BMAL2: variants seen among roughly 807,000 people sequenced by gnomAD.
The protein encoded by BMAL2 is basic helix-loop-helix ARNT like 2.
chr12:27,379,238 A>T, the BMAL2 span, among the ~76,000 whole-genome samples: 2 of 152,214 alleles, frequency 1.3e-5, no homozygotes, highest in Non-Finnish European at 2.9e-5. Context: ...GGTACATCGC[A>T]GAGAATGCAT....
At chr12:27,380,173 T>G in the BMAL2 span, 1 of 1,464,006 alleles carries the variant, frequency 6.8e-7, no homozygotes, top group Non-Finnish European at 9.4e-7. Flanking sequence ...CAGCATCTGC[T>G]CCAGTGAGCA....
chr12:27,419,580 A>C, the BMAL2 span, among the ~76,000 whole-genome samples: 1 of 152,200 alleles, frequency 6.6e-6, no homozygotes, highest in African/African-American at 2.4e-5. Flanking sequence ...TTAAGTTTCC[A>C]ACACATGAAT....
chr12:27,416,031 G>T, the BMAL2 span: 1 of 961,202 alleles, frequency 1.0e-6, no homozygotes, highest in South Asian at 1.7e-5. Flanking sequence ...TTTAAGAAAA[G>T]AAGCCATTCT....
chr12:27,404,964 C>T, the BMAL2 span, among the ~76,000 whole-genome samples: 7 of 152,202 alleles, frequency 4.6e-5, no homozygotes, highest in Non-Finnish European at 8.8e-5. Flanking sequence ...CCATGCCTGG[C>T]TCGGAGGGTC....
the BMAL2 span, among the ~76,000 whole-genome samples, chr12:27,367,922 G>T: frequency 1.4e-4 from 22 of 151,852 alleles, no homozygotes; most frequent in African/African-American, 4.6e-4. Flanking sequence ...TCAGCTCACT[G>T]CAACCTCTGC....
the BMAL2 span, chr12:27,389,287 G>C: frequency 6.3e-7 from 1 of 1,585,884 alleles, no homozygotes; most frequent in South Asian, 1.1e-5. Context: ...AAAGCTAATA[G>C]ATGCCAAAAG....
the BMAL2 span, among the ~76,000 whole-genome samples, chr12:27,418,722 G>A: frequency 6.6e-6 from 1 of 152,072 alleles, no homozygotes; most frequent in African/African-American, 2.4e-5. Context: ...GCTCATTCCT[G>A]TAATCCCAGC....
At chr12:27,415,765 G>A in the BMAL2 span, 1 of 774,978 alleles carries the variant, frequency 1.3e-6, no homozygotes. Context: ...TCAGTTTCAA[G>A]TTCCTCACTG....
At chr12:27,393,016 C>A in the BMAL2 span, among the ~76,000 whole-genome samples, 2 of 152,160 alleles carry the variant, frequency 1.3e-5, no homozygotes, top group African/African-American at 2.4e-5. Flanking sequence ...CTCTCCCCTC[C>A]ACCCTAATCT....
chr12:27,338,083 T>G, the BMAL2 span, among the ~76,000 whole-genome samples: 1 of 152,202 alleles, frequency 6.6e-6, no homozygotes, highest in African/African-American at 2.4e-5. Context: ...AATCTCCAAT[T>G]TCTTGCACCT....
chr12:27,358,900 A>T, the BMAL2 span, among the ~76,000 whole-genome samples: 1 of 151,588 alleles, frequency 6.6e-6, no homozygotes, highest in African/African-American at 2.4e-5. Context: ...AATGTAATTT[A>T]TGTGTAATAC....
the BMAL2 span, among the ~76,000 whole-genome samples, chr12:27,411,819 T>G: frequency 6.6e-6 from 1 of 152,344 alleles, no homozygotes; most frequent in South Asian, 2.1e-4. Flanking sequence ...TTTATCAGGT[T>G]TTTTGATGTA....
the BMAL2 span, chr12:27,403,558 G>A: frequency 3.4e-6 from 5 of 1,456,318 alleles, no homozygotes; most frequent in Non-Finnish European, 3.8e-6. Context: ...TTTTATTGCT[G>A]CAAATATTTT....
chr12:27,390,123 A>T, the BMAL2 span: 1 of 1,614,020 alleles, frequency 6.2e-7, no homozygotes, highest in Non-Finnish European at 8.5e-7. Context: ...AGTAATCTCC[A>T]CGCTGGAAGG....
At chr12:27,379,542 G>A in the BMAL2 span, among the ~76,000 whole-genome samples, 1 of 152,136 alleles carries the variant, frequency 6.6e-6, no homozygotes, top group Non-Finnish European at 1.5e-5. Context: ...GGAGGACCAG[G>A]AGGCAGAGAG....
At chr12:27,390,518 A>T in the BMAL2 span, 5 of 308,210 alleles carry the variant, frequency 1.6e-5, no homozygotes, top group Non-Finnish European at 3.0e-5. Context: ...ATGACAAGAG[A>T]TGGAAATAAA....
chr12:27,398,953 G>C, the BMAL2 span, among the ~76,000 whole-genome samples: 2 of 152,124 alleles, frequency 1.3e-5, no homozygotes, highest in African/African-American at 2.4e-5. Context: ...AGGCATCTGG[G>C]TTGTTAGGGG....
At chr12:27,389,172 T>C in the BMAL2 span, 1 of 1,560,666 alleles carries the variant, frequency 6.4e-7, no homozygotes, top group Non-Finnish European at 8.8e-7. Context: ...GTCTACCTTA[T>C]GAATAGGCTA....
At chr12:27,352,713 G>A in the BMAL2 span, among the ~76,000 whole-genome samples, 2 of 152,152 alleles carry the variant, frequency 1.3e-5, no homozygotes, top group African/African-American at 2.4e-5. Flanking sequence ...CTGCTAAAAG[G>A]CTCCTAAGCT....
Sources: gnomAD v4.1 joint callset for allele counts (sites outside exome capture counted in the v4.1 genomes callset) on GRCh38, gnomAD v4.1.1 for gene constraint, MANE v1.5 for transcripts, NCBI Gene and HGNC (gene_info 2026-07-23, HGNC 2026-07-21) for gene names.